SPATA18: variants seen among roughly 807,000 people sequenced by gnomAD.
SPATA18 encodes mitochondria-eating protein.
In SPATA18, 54 loss-of-function variants were observed where a neutral mutation model predicts 68.1. The observed-to-expected ratio is 0.79, with a 90% confidence interval of 0.64 to 0.99. SPATA18 has a LOEUF of 0.99. Ranked by LOEUF, SPATA18 falls within the 50% of genes least tolerant of loss-of-function variation. The pLI, the probability that SPATA18 is intolerant of heterozygous loss-of-function variation, is 0.00. For missense variants in SPATA18, 724 were observed against 681.1 expected, an observed-to-expected ratio of 1.06 and a Z score of -0.70; for synonymous variants, 242 against 244.8, an observed-to-expected ratio of 0.99 and a Z score of 0.11.
intron 7 of SPATA18, 21 bp from the exon 8 acceptor site, chr4:52,078,714 T>G: frequency 6.7e-7 from 1 of 1,503,718 alleles, no homozygotes; most frequent in Non-Finnish European, 9.0e-7. Flanking sequence ...CCAAATAAAT[T>G]TGCTGCATTT....
chr4:52,083,677 TG>T (rs1741148171), intron 10 of SPATA18, among the ~76,000 whole-genome samples: 1 of 151,242 alleles, frequency 6.6e-6, no homozygotes, highest in African/African-American at 2.4e-5. Flanking sequence ...CTGGAGAGGT[TG>T]AGGCTGTGTG....
Position 52,062,348 on chromosome 4 carries a change from G to A in SPATA18, c.422+16G>A, listed in dbSNP as rs906500586. On this transcript the variant is annotated intron_variant, in intron 4 of 12. Transcript: ENST00000295213. ...TTCAAGACGAGTAAGAGGAATGCAAGTTATCTTTTTCCAAAAAGAATTGTT... is the reference window on the plus strand; with the variant it reads ...TTCAAGACGAGTAAGAGGAATGCAAATTATCTTTTTCCAAAAAGAATTGTT... The A allele has an allele frequency of 6.7e-7, 1 of 1,502,294 alleles. No individual in the cohort carries two copies. Among genetic ancestry groups the A allele is most frequent in the African/African-American group, 1.4e-5 (1 of 71,374 alleles). 93.1% of individuals were successfully genotyped at this position (1,502,294 alleles called of 1,614,324 possible).
chr4:52,093,517 A>G (rs1022966965), intron 11 of SPATA18, among the ~76,000 whole-genome samples: 1 of 152,198 alleles, frequency 6.6e-6, no homozygotes, highest in Non-Finnish European at 1.5e-5. Context: ...TTTTTCATGA[A>G]TAAGTATTTA....
chr4:52,077,367 TTCC>T (rs1235904723), intron 7 of SPATA18, among the ~76,000 whole-genome samples: 2 of 145,274 alleles, frequency 1.4e-5, no homozygotes, highest in African/African-American at 5.0e-5. Flanking sequence ...TCTCCATCTC[TTCC>T]TCCTTCTTTC....
chr4:52,085,100 G>A (rs1403434344), intron 11 of SPATA18, 101 bp downstream of exon 11: 1 of 868,762 alleles, frequency 1.2e-6, no homozygotes, highest in Admixed American at 2.5e-5. Flanking sequence ...AAGTCTACAG[G>A]TGGAAAGAGA....
At chr4:52,082,617 T>C in intron 10 of SPATA18, 107 bp downstream of exon 10, 2 of 1,601,278 alleles carry the variant, frequency 1.2e-6, no homozygotes, top group Non-Finnish European at 1.7e-6. Context: ...AAAGAGTTGA[T>C]AAGATTTCAT....
At position 52,094,744 on chromosome 4, in the gene SPATA18, G is replaced by A. The variant is rs1239713564; in HGVS notation, c.1610-136G>A. ...TGATGGTACCCAGGCAGGTCCCATG[G>A]GTCATGTAGAAGGAGCTTCCAACCA... On this transcript the variant is annotated intron_variant, in intron 12 of 12. Coordinates refer to ENST00000295213, the MANE Select transcript of SPATA18 (RefSeq NM_145263.4). The A allele has an allele frequency of 6.7e-6, 9 of 1,335,300 alleles. No homozygotes were observed. In the East Asian group the frequency reaches 2.1e-4, roughly 31 times the overall value. The allele number at this position is 1,335,300 out of a possible 1,614,324, so 82.7% of individuals were successfully genotyped here. A position where few individuals can be genotyped will look rare whatever the true frequency, so the allele number is the denominator to read the frequency against.
chr4:52,066,305 C>T (rs1280312310), intron 4 of SPATA18, among the ~76,000 whole-genome samples: 1 of 152,104 alleles, frequency 6.6e-6, no homozygotes, highest in Non-Finnish European at 1.5e-5. Flanking sequence ...CACCCGCCAC[C>T]ATGCCTGGCT....
At chr4:52,084,593 T>A (rs1221515927) in intron 10 of SPATA18, among the ~76,000 whole-genome samples, 1 of 152,242 alleles carries the variant, frequency 6.6e-6, no homozygotes, top group Non-Finnish European at 1.5e-5. Context: ...TCTACCCACA[T>A]GGAGCTTACA....
intron 5 of SPATA18, among the ~76,000 whole-genome samples, chr4:52,070,615 C>T (rs2109453575): frequency 6.6e-6 from 1 of 152,088 alleles, no homozygotes; most frequent in African/African-American, 2.4e-5. Flanking sequence ...AGCACACCAA[C>T]ATGGCACATG....
intron 4 of SPATA18, among the ~76,000 whole-genome samples, chr4:52,067,742 T>TA (rs1739435048): frequency 1.3e-5 from 2 of 152,308 alleles, no homozygotes; most frequent in South Asian, 4.1e-4. Flanking sequence ...TGAGAAAAGT[T>TA]AGAGAGTGAA....
Position 52,072,110 on chromosome 4 carries a change from G to T in SPATA18, c.712G>T (p.Glu238Ter), listed in dbSNP as rs144283037. 3.9e-5 allele frequency: 63 copies of T among 1,613,972 alleles called. No homozygotes were observed. Among genetic ancestry groups the T allele is most frequent in the Non-Finnish European group, 5.0e-5 (59 of 1,180,024 alleles). Residue 238 changes from glutamate to a stop codon, truncating the protein, a stop_gained, in exon 6 of 13, where the codon GAG becomes TAG. Coordinates refer to ENST00000295213, the MANE Select transcript of SPATA18 (RefSeq NM_145263.4). LOFTEE classifies it high-confidence loss of function. ...TAAGAAACAGCTCCGAAACCTGAAG[G>T]AGGAGATAGCTGTTCTGTCTGCTGA... ...DYKKQLRNLKEEIAVLSAEKS... is the reference protein window; with the variant it reads ...DYKKQLRNLK
chr4:52,063,756 A>G (rs907821222), intron 4 of SPATA18, among the ~76,000 whole-genome samples: 1 of 151,954 alleles, frequency 6.6e-6, no homozygotes, highest in Non-Finnish European at 1.5e-5. Flanking sequence ...TTTTGGTCTT[A>G]TACTGCCCTC....
intron 11 of SPATA18, 120 bp downstream of exon 11, chr4:52,085,119 C>T: frequency 1.5e-6 from 1 of 673,066 alleles, no homozygotes; most frequent in South Asian, 2.1e-5. Flanking sequence ...GAACCTGTTG[C>T]AATAATGCTA....
At position 52,088,920 on chromosome 4, in the gene SPATA18, T is replaced by C. The variant is rs553406723; in HGVS notation, c.1563+3921T>C. 2.0e-5 allele frequency among the ~76,000 whole-genome samples: 3 copies of C among 152,302 alleles called. No homozygotes were observed. The South Asian group carries it at 6.2e-4, about 32-fold the overall frequency. On this transcript the variant is annotated intron_variant, in intron 11 of 12. Transcript: ENST00000295213. The stretch of plus-strand genomic sequence containing the variant: ...GTGAATCCGTCTGGTCCTGGACTTT[T>C]TTTGGTTGGTAGGCTATTAATTACT...
intron 8 of SPATA18, 57 bp from the exon 9 acceptor site, chr4:52,079,687 G>C: frequency 6.3e-7 from 1 of 1,578,458 alleles, no homozygotes; most frequent in Non-Finnish European, 8.6e-7. Flanking sequence ...TTCTTAGGAT[G>C]TCAGAGTGTT....
In SPATA18 at chr4:52,076,820, G is replaced by A. The variant is rs139687172; in HGVS notation, c.800G>A (p.Arg267His). 9,031 of 1,614,056 alleles carry A rather than the reference G, an allele frequency of 5.6e-3. 29 individuals carry two copies. The highest frequency in any genetic ancestry group is 6.5e-3 in the Non-Finnish European group (7,661 of 1,179,964). Residue 267 changes from arginine to histidine, a missense_variant, in exon 7 of 13, where the codon CGT becomes CAT. Coordinates refer to ENST00000295213, the MANE Select transcript of SPATA18 (RefSeq NM_145263.4). The part of the protein sequence containing the change: ...SRSPSPAPRS[R>H]SCSRSRSASP... ...TCTCCCAGCCCTGCCCCTCGCAGCC[G>A]TAGCTGCAGCCGCAGCAGATCTGCC...
chr4:52,084,888 GTC>G, intron 10 of SPATA18, 26 bp from the exon 11 acceptor site: 1 of 1,610,468 alleles, frequency 6.2e-7, no homozygotes, highest in East Asian at 2.2e-5. Flanking sequence ...TCCTGACTAT[GTC>G]TCTCTCTTTC....
Position 52,060,862 on chromosome 4 carries a change from G to A in SPATA18, c.274G>A (p.Gly92Arg). ...LEASFTAASL[G>R]KSVDSKVPSL... Reference sequence around the variant, plus strand: ...GGCTTCCTTTACTGCTGCTTCCCTGGGAAAATCTGTTGACAGCAAGGTCCC... The same window carrying A: ...GGCTTCCTTTACTGCTGCTTCCCTGAGAAAATCTGTTGACAGCAAGGTCCC... Residue 92 changes from glycine to arginine, a missense_variant, in exon 3 of 13, where the codon GGA (glycine) becomes AGA (arginine). Coordinates refer to ENST00000295213, the MANE Select transcript of SPATA18 (RefSeq NM_145263.4). 4 of 1,613,896 alleles carry A rather than the reference G, an allele frequency of 2.5e-6. No homozygotes were observed. The highest frequency in any genetic ancestry group is 3.4e-6 in the Non-Finnish European group (4 of 1,179,920).
Sources: allele counts gnomAD v4.1 joint callset (sites outside exome capture counted in the v4.1 genomes callset), GRCh38; gene constraint gnomAD v4.1.1; transcripts MANE v1.5; gene names NCBI Gene and HGNC (gene_info 2026-07-23, HGNC 2026-07-21).